The following DPP6 variants were observed in gnomAD, a reference collection of about 807,000 sequenced individuals.
The protein encoded by DPP6 is dipeptidyl peptidase like 6, also known as A-type potassium channel modulatory protein DPP6.
DPP6 carries 69 observed loss-of-function variants against 122.6 expected under a neutral mutation model. The ratio of observed to expected loss-of-function variants is 0.56; its 90% CI spans 0.46 to 0.69. The LOEUF (loss-of-function observed/expected upper bound fraction) is 0.69, where lower values mean the gene tolerates loss of function less well. DPP6 is among the 30% of genes least tolerant of loss of function. The pLI is 0.00. For missense variants in DPP6, 928 were observed against 1,116.9 expected, an observed-to-expected ratio of 0.83 and a Z score of 2.41; for synonymous variants, 418 against 433.1, an observed-to-expected ratio of 0.97 and a Z score of 0.43.
intron 1 of DPP6, among the ~76,000 whole-genome samples, chr7:154,288,747 A>G (rs949756265): frequency 3.3e-5 from 5 of 152,188 alleles, no homozygotes; most frequent in Non-Finnish European, 7.3e-5. Context: ...ATAAATAATC[A>G]GGCGCTGTTT....
chr7:154,776,035 G>GC (rs1326354968), intron 10 of DPP6, among the ~76,000 whole-genome samples: 6 of 147,546 alleles, frequency 4.1e-5, no homozygotes, highest in Non-Finnish European at 7.5e-5. Context: ...CACCAGCACT[G>GC]CCCCCTCCTG....
intron 16 of DPP6, among the ~76,000 whole-genome samples, chr7:154,810,000 G>A (rs187328291): frequency 6.6e-6 from 1 of 152,214 alleles, no homozygotes; most frequent in African/African-American, 2.4e-5. Flanking sequence ...CTCCCAAGTA[G>A]CTGGGATTAC....
At chr7:154,263,199 T>C (rs1803151353) in intron 1 of DPP6, among the ~76,000 whole-genome samples, 1 of 152,106 alleles carries the variant, frequency 6.6e-6, no homozygotes, top group Non-Finnish European at 1.5e-5. Context: ...GAAAACAGAT[T>C]GGAAGAACAA....
At chr7:154,061,428 A>T (rs2429607) in intron 1 of DPP6, among the ~76,000 whole-genome samples, 3,823 of 141,554 alleles carry the variant, frequency 0.027, 61 homozygotes, top group African/African-American at 0.094. Context: ...GGTAGCCTAC[A>T]TCTCTAAACA....
chr7:153,928,396 A>ATTTTTTTTTTTTTTTTTTTTCTTTT (rs1801013803), intron 1 of DPP6, among the ~76,000 whole-genome samples: 1 of 43,672 alleles, frequency 2.3e-5, no homozygotes, highest in Non-Finnish European at 4.4e-5. Context: ...CTTTTCTTTC[A>ATTTTTTTTTTTTTTTTTTTTCTTTT]TTTTTTTTTT....
chr7:154,010,816 C>G (rs1156320316), intron 1 of DPP6, among the ~76,000 whole-genome samples: 1 of 152,342 alleles, frequency 6.6e-6, no homozygotes, highest in East Asian at 1.9e-4. Flanking sequence ...TAAGAACAGG[C>G]TTTCATGCCA....
chr7:154,420,447 C>A (rs1482401812), intron 1 of DPP6, among the ~76,000 whole-genome samples: 1 of 152,106 alleles, frequency 6.6e-6, no homozygotes, highest in Non-Finnish European at 1.5e-5. Flanking sequence ...TAGGAGGTAT[C>A]TAAAGTAGTC....
chr7:154,282,014 C>G lies in DPP6; in HGVS notation c.244-164200C>G, dbSNP rs1291071530. Among the ~76,000 whole-genome samples, 4 of 152,244 alleles carry G rather than the reference C, an allele frequency of 2.6e-5. No individual in the cohort carries two copies. Among genetic ancestry groups the G allele is most frequent in the African/African-American group, 4.8e-5 (2 of 41,532 alleles). On this transcript the variant is annotated intron_variant, in intron 1 of 25. Transcript: ENST00000377770. This position sits in a 1 kb window ranked among gnomAD's most constrained non-coding sequence, Gnocchi z 4.8. ...GGTCTTTGTGACTCTAGCTTAGTGA[C>G]TTAACCTTTCAACACCTCTGTTTCC...
chr7:153,759,361 C>A, the DPP6 span, among the ~76,000 whole-genome samples: 1 of 151,920 alleles, frequency 6.6e-6, no homozygotes, highest in South Asian at 2.1e-4. Flanking sequence ...CTCTGTCACC[C>A]AGGCTGGAGT....
the DPP6 span, among the ~76,000 whole-genome samples, chr7:153,809,292 A>G: frequency 6.6e-6 from 1 of 151,978 alleles, no homozygotes; most frequent in African/African-American, 2.4e-5. Context: ...TTCTCTTTGG[A>G]TATTAATTCT....
At chr7:154,200,329 C>T (rs2150783912) in intron 1 of DPP6, among the ~76,000 whole-genome samples, 1 of 152,206 alleles carries the variant, frequency 6.6e-6, no homozygotes, top group South Asian at 2.1e-4. Context: ...AAATATTTGT[C>T]TTTATGCTAG....
At chr7:153,767,880 G>A in the DPP6 span, among the ~76,000 whole-genome samples, 2,855 of 152,234 alleles carry the variant, frequency 0.019, 32 homozygotes, top group African/African-American at 0.036. Context: ...TACCTGGAAC[G>A]GATGTGTCCC....
chr7:154,771,686 T>C (rs1053218127), intron 9 of DPP6, among the ~76,000 whole-genome samples: 14 of 152,248 alleles, frequency 9.2e-5, no homozygotes, highest in Non-Finnish European at 1.6e-4. Context: ...GAGACCCTTA[T>C]GGCCACAGCC....
At chr7:154,690,589 C>A (rs116584823) in intron 7 of DPP6, among the ~76,000 whole-genome samples, 2 of 152,076 alleles carry the variant, frequency 1.3e-5, no homozygotes, top group East Asian at 3.9e-4. Context: ...ATGATCCCAC[C>A]AGCTGGAAAT....
chr7:153,832,960 G>A, the DPP6 span, among the ~76,000 whole-genome samples: 1 of 152,156 alleles, frequency 6.6e-6, no homozygotes, highest in Admixed American at 6.5e-5. Context: ...CAGATGTGGG[G>A]TGGTATTAGA....
At chr7:154,852,087 G>A (rs1261597013) in intron 16 of DPP6, among the ~76,000 whole-genome samples, 2 of 152,150 alleles carry the variant, frequency 1.3e-5, no homozygotes, top group South Asian at 2.1e-4. Flanking sequence ...TGCTCTTTGG[G>A]CCCTGGACTA....
intron 1 of DPP6, among the ~76,000 whole-genome samples, chr7:154,147,257 T>C (rs551304584): frequency 1.3e-5 from 2 of 152,330 alleles, no homozygotes; most frequent in African/African-American, 2.4e-5. Flanking sequence ...CTCTGTGACC[T>C]TCACTAGCTC....
intron 23 of DPP6, among the ~76,000 whole-genome samples, chr7:154,888,035 A>G (rs908884745): frequency 2.0e-5 from 3 of 151,488 alleles, no homozygotes; most frequent in South Asian, 2.1e-4. Flanking sequence ...TGATGTGCAC[A>G]GGACTCCTGG....
intron 7 of DPP6, among the ~76,000 whole-genome samples, chr7:154,686,766 G>A (rs956176075): frequency 1.3e-5 from 2 of 152,106 alleles, no homozygotes; most frequent in East Asian, 1.9e-4. Flanking sequence ...AGTATTTGAT[G>A]TTAGTTTTCT....
Sources: allele counts gnomAD v4.1 joint callset (sites outside exome capture counted in the v4.1 genomes callset), GRCh38; gene constraint gnomAD v4.1.1; non-coding constraint Gnocchi (gnomAD v3.1); transcripts MANE v1.5; gene names NCBI Gene and HGNC (gene_info 2026-07-23, HGNC 2026-07-21).